VRK2: variants seen among roughly 807,000 people sequenced by gnomAD.
VRK2 encodes serine/threonine-protein kinase VRK2.
Under a neutral mutation model 57.6 loss-of-function variants are expected in VRK2, and 60 were observed. That is an observed-to-expected ratio of 1.04 (90% confidence interval 0.85 to 1.29). The LOEUF is 1.29. Among genes scored for constraint, VRK2 ranks in the 50% most tolerant of loss-of-function variants. The probability of loss-of-function intolerance (pLI) is 0.00; values close to 1 mark genes in which losing one functional copy is unlikely to be tolerated. For missense variants in VRK2, 705 were observed against 588.1 expected (o/e 1.20, Z -2.06); for synonymous variants, 231 against 199.2 (o/e 1.16, Z -1.35).
At chr2:58,005,521 A>G (rs901319819) in intron 1 of VRK2, among the ~76,000 whole-genome samples, 16 of 152,224 alleles carry the variant, frequency 1.1e-4, no homozygotes, top group African/African-American at 3.4e-4. Context: ...TTAAAAGACA[A>G]TGGGTAAAGT....
intron 1 of VRK2, among the ~76,000 whole-genome samples, chr2:58,019,907 C>T (rs1673698088): frequency 6.6e-6 from 1 of 152,030 alleles, no homozygotes; most frequent in Non-Finnish European, 1.5e-5. Context: ...TACAAATACA[C>T]ATATGAAACA....
chr2:57,912,120 C>T (rs1408316857), intron 1 of VRK2, among the ~76,000 whole-genome samples: 1 of 152,140 alleles, frequency 6.6e-6, no homozygotes, highest in African/African-American at 2.4e-5. Context: ...TATAAATGCA[C>T]AGCAAATAGT....
chr2:58,012,775 G>A (rs1367060993), intron 1 of VRK2, among the ~76,000 whole-genome samples: 1 of 152,082 alleles, frequency 6.6e-6, no homozygotes, highest in Non-Finnish European at 1.5e-5. Flanking sequence ...AAAGGACAAA[G>A]ACCAAATCTA....
At chr2:58,132,174 C>T (rs1558677667) in intron 9 of VRK2, among the ~76,000 whole-genome samples, 2 of 152,076 alleles carry the variant, frequency 1.3e-5, no homozygotes, top group Non-Finnish European at 1.5e-5. Flanking sequence ...TGTTCTTTTA[C>T]ATGGTATTTC....
At position 57,985,370 on chromosome 2, in the gene VRK2, A is replaced by T. The variant is rs576545807; in HGVS notation, c.-438-40295A>T. 2.0e-5 allele frequency among the ~76,000 whole-genome samples: 3 copies of T among 152,200 alleles called. No homozygotes were observed. In the East Asian group the frequency reaches 5.8e-4, roughly 29 times the overall value. On this transcript the variant is annotated intron_variant, in intron 1 of 15. Transcript: ENST00000417641. The stretch of plus-strand genomic sequence containing the variant: ...GAATTAATAAACGTAAAGATTTGAC[A>T]TATTTCTGTGGCTATTTTGTAAATA...
rs556642686 is a variant in VRK2, at chr2:57,921,144, A to G, written c.-439+13305A>G. On this transcript the variant is annotated intron_variant, in intron 1 of 15. Transcript: ENST00000417641. ...GTATTTTTCAAAATGTCTCCCAAAG[A>G]TGGCCTACATCAGAATCATCAAGGG... is the stretch of plus-strand genomic sequence containing the variant. 1.8e-4 allele frequency among the ~76,000 whole-genome samples: 27 copies of G among 152,190 alleles called. No homozygotes were observed. The East Asian group carries it at 5.2e-3, about 29-fold the overall frequency.
chr2:57,944,371 A>G (rs1281503787), intron 1 of VRK2, among the ~76,000 whole-genome samples: 1 of 152,226 alleles, frequency 6.6e-6, no homozygotes, highest in Non-Finnish European at 1.5e-5. Context: ...TTAGCTATGG[A>G]TGGACAAAGA....
intron 1 of VRK2, among the ~76,000 whole-genome samples, chr2:57,980,141 G>A (rs1672377070): frequency 6.6e-6 from 1 of 152,012 alleles, no homozygotes; most frequent in South Asian, 2.1e-4. Flanking sequence ...ATTAATTTGA[G>A]ACCTTTCTAA....
chr2:57,919,533 T>C (rs1670268340), intron 1 of VRK2, among the ~76,000 whole-genome samples: 1 of 152,118 alleles, frequency 6.6e-6, no homozygotes, highest in African/African-American at 2.4e-5. Flanking sequence ...ATGTACATTC[T>C]AAATCTAAAT....
chr2:57,978,802 C>G (rs1344055936), intron 1 of VRK2, among the ~76,000 whole-genome samples: 12 of 150,422 alleles, frequency 8.0e-5, no homozygotes, highest in Admixed American at 7.2e-4. Flanking sequence ...TCCCTCCCCT[C>G]ACCCCCGACC....
chr2:57,934,800 C>T (rs1387079264), intron 1 of VRK2, among the ~76,000 whole-genome samples: 1 of 151,886 alleles, frequency 6.6e-6, no homozygotes, highest in African/African-American at 2.4e-5. Flanking sequence ...TTTATAATTT[C>T]AAATAGTCTG....
intron 1 of VRK2, among the ~76,000 whole-genome samples, chr2:57,938,887 C>T (rs150224007): frequency 6.6e-6 from 1 of 152,232 alleles, no homozygotes; most frequent in East Asian, 1.9e-4. Context: ...CTTTCCTCTT[C>T]TTTTGGAAAA....
intron 1 of VRK2, among the ~76,000 whole-genome samples, chr2:57,996,487 T>C (rs916587416): frequency 2.6e-5 from 4 of 152,222 alleles, no homozygotes; most frequent in Admixed American, 6.5e-5. Flanking sequence ...GAAATCTCTG[T>C]ACTATAGGTA....
intron 1 of VRK2, among the ~76,000 whole-genome samples, chr2:57,969,708 A>G (rs1382585423): frequency 6.6e-6 from 1 of 152,158 alleles, no homozygotes; most frequent in Admixed American, 6.6e-5. Context: ...CTAAAACAGA[A>G]AAACTGAGGA....
chr2:58,135,052 C>G (rs915984826), intron 9 of VRK2, 89 bp from the exon 10 acceptor site: 22 of 1,419,278 alleles, frequency 1.6e-5, no homozygotes, highest in Middle Eastern at 1.8e-4. Flanking sequence ...TTTTGGTGAC[C>G]TACCAACACA....
chr2:57,986,558 G>C (rs1672599040), intron 1 of VRK2, among the ~76,000 whole-genome samples: 1 of 149,086 alleles, frequency 6.7e-6, no homozygotes, highest in South Asian at 2.1e-4. Context: ...CAACAAAAAA[G>C]ACTTCAGAAA....
At chr2:58,156,024 G>A (rs1683780320) in intron 12 of VRK2, among the ~76,000 whole-genome samples, 1 of 151,848 alleles carries the variant, frequency 6.6e-6, no homozygotes, top group African/African-American at 2.4e-5. Context: ...ATGGCGGGTG[G>A]AGACTCAAGG....
chr2:57,910,861 T>A (rs186165555), intron 1 of VRK2, among the ~76,000 whole-genome samples: 2 of 152,314 alleles, frequency 1.3e-5, no homozygotes, highest in African/African-American at 2.4e-5. Flanking sequence ...CCTAAAGGAC[T>A]AACCAATGTT....
chr2:57,912,093 T>C (rs1232055202), intron 1 of VRK2, among the ~76,000 whole-genome samples: 2 of 152,242 alleles, frequency 1.3e-5, no homozygotes, highest in African/African-American at 4.8e-5. Context: ...CTTTTATTAA[T>C]GCCTAGTATT....
Sources: gnomAD v4.1 joint callset for allele counts (sites outside exome capture counted in the v4.1 genomes callset) on GRCh38, gnomAD v4.1.1 for gene constraint, MANE v1.5 for transcripts, NCBI Gene and HGNC (gene_info 2026-07-23, HGNC 2026-07-21) for gene names.